TRPM3: variants seen among roughly 807,000 people sequenced by gnomAD.
TRPM3 encodes long transient receptor potential channel 3.
TRPM3 carries 77 observed loss-of-function variants against 181.2 expected under a neutral mutation model. That is an observed-to-expected ratio of 0.42 (90% CI 0.35 to 0.51). The LOEUF is 0.51. TRPM3 is among the 20% of genes least tolerant of loss of function. The pLI is 0.01. For missense variants in TRPM3, 1,759 were observed against 2,196.7 expected, an observed-to-expected ratio of 0.80 and a Z score of 3.98; for synonymous variants, 745 against 796.4, an observed-to-expected ratio of 0.94 and a Z score of 1.09.
intron 1 of TRPM3, among the ~76,000 whole-genome samples, chr9:70,966,919 A>G (rs1442708047): frequency 1.3e-5 from 2 of 152,124 alleles, no homozygotes; most frequent in Non-Finnish European, 2.9e-5. Context: ...AAAAGTTTAA[A>G]TGTAAATCCC....
chr9:70,634,307 A>C (rs1172938929), intron 12 of TRPM3, among the ~76,000 whole-genome samples: 4 of 152,132 alleles, frequency 2.6e-5, no homozygotes, highest in Middle Eastern at 3.2e-3. Flanking sequence ...ACAGGGTTTC[A>C]CCATGTTAAC....
chr9:71,175,696 G>T (rs1311140313), intron 1 of TRPM3, among the ~76,000 whole-genome samples: 1 of 152,114 alleles, frequency 6.6e-6, no homozygotes, highest in Admixed American at 6.6e-5. Flanking sequence ...GGGTCGCATA[G>T]GTTTTCAACA....
At chr9:70,958,966 G>A (rs937946070) in intron 1 of TRPM3, among the ~76,000 whole-genome samples, 3 of 147,912 alleles carry the variant, frequency 2.0e-5, no homozygotes, top group Non-Finnish European at 4.5e-5. Flanking sequence ...AGAACACATG[G>A]ACACAGGAAG....
chr9:71,154,963 CA>C (rs2075911287), intron 1 of TRPM3, among the ~76,000 whole-genome samples: 1 of 152,074 alleles, frequency 6.6e-6, no homozygotes, highest in Non-Finnish European at 1.5e-5. Flanking sequence ...CTTTTTTTGA[CA>C]GTCTAAAAAT....
chr9:70,892,663 C>T (rs891656057), intron 1 of TRPM3, among the ~76,000 whole-genome samples: 7 of 149,260 alleles, frequency 4.7e-5, no homozygotes, highest in Admixed American at 2.7e-4. Flanking sequence ...GAATCTATCA[C>T]ATTCATGGAT....
chr9:70,777,780 G>A (rs938757583), intron 7 of TRPM3, among the ~76,000 whole-genome samples: 1 of 152,116 alleles, frequency 6.6e-6, no homozygotes, highest in African/African-American at 2.4e-5. Flanking sequence ...AGCACCCATA[G>A]TACCTAAAAC....
intron 1 of TRPM3, among the ~76,000 whole-genome samples, chr9:71,317,822 G>A (rs760938588): frequency 5.9e-5 from 9 of 151,974 alleles, no homozygotes; most frequent in South Asian, 2.1e-4. Flanking sequence ...AAAGTACTTC[G>A]AATTTATCTA....
In TRPM3 at chr9:71,121,548, G is replaced by A; in HGVS notation, c.-194C>T. 1 of 1,383,878 alleles carries A rather than the reference G, an allele frequency of 7.2e-7. No individual in the cohort carries two copies. The highest frequency in any genetic ancestry group is 9.3e-7 in the Non-Finnish European group (1 of 1,071,624). The allele number at this position is 1,383,878 out of a possible 1,614,324, so 85.7% of individuals were successfully genotyped here. A position where few individuals can be genotyped will look rare whatever the true frequency, so the allele number is the denominator to read the frequency against. On this transcript the variant is annotated 5_prime_UTR_variant, in exon 1 of 26. Coordinates refer to ENST00000677713, the MANE Select transcript of TRPM3 (RefSeq NM_001366145.2). ...CTGCCTGCTGCTTCGGGGAGGGGAT[G>A]CACGATTTTGAAGAAGAGGGACAGC...
intron 1 of TRPM3, among the ~76,000 whole-genome samples, chr9:71,228,018 A>G (rs1025842049): frequency 6.6e-5 from 10 of 152,196 alleles, no homozygotes; most frequent in African/African-American, 2.4e-4. Context: ...CAAACCAGAC[A>G]AAGACACATC....
intron 9 of TRPM3, among the ~76,000 whole-genome samples, chr9:70,679,274 G>T (rs1366017659): frequency 6.6e-6 from 1 of 152,070 alleles, no homozygotes; most frequent in African/African-American, 2.4e-5. Flanking sequence ...AAATACATAT[G>T]TGTAACTATT....
At chr9:71,095,532 G>A (rs2066998020) in intron 1 of TRPM3, among the ~76,000 whole-genome samples, 1 of 152,082 alleles carries the variant, frequency 6.6e-6, no homozygotes, top group South Asian at 2.1e-4. Flanking sequence ...GCCAAGGAGG[G>A]TGGATCAGCT....
At chr9:71,015,077 T>C (rs2097773740) in intron 1 of TRPM3, among the ~76,000 whole-genome samples, 1 of 152,190 alleles carries the variant, frequency 6.6e-6, no homozygotes, top group Non-Finnish European at 1.5e-5. Context: ...TATTATTCTT[T>C]CCAGTTACAT....
At chr9:71,251,745 T>G (rs1588139309) in intron 1 of TRPM3, among the ~76,000 whole-genome samples, 1 of 152,196 alleles carries the variant, frequency 6.6e-6, no homozygotes, top group Non-Finnish European at 1.5e-5. Context: ...TATTTTAAAA[T>G]ATACAATTAA....
intron 1 of TRPM3, among the ~76,000 whole-genome samples, chr9:71,235,083 T>A (rs932484066): frequency 1.3e-5 from 2 of 152,250 alleles, no homozygotes; most frequent in African/African-American, 4.8e-5. Context: ...CCACTCCACC[T>A]GCTGGCTCCA....
chr9:70,554,583 C>A (rs539443253), intron 22 of TRPM3, among the ~76,000 whole-genome samples: 49 of 152,308 alleles, frequency 3.2e-4, no homozygotes, highest in African/African-American at 1.2e-3. Flanking sequence ...CCCAGCTTGG[C>A]TCCAGACAAT....
At chr9:71,381,488 T>C (rs1239380208) in intron 1 of TRPM3, among the ~76,000 whole-genome samples, 1 of 152,176 alleles carries the variant, frequency 6.6e-6, no homozygotes, top group Non-Finnish European at 1.5e-5. Context: ...TTAAGTGGAA[T>C]TCTAGGCAAT....
chr9:71,135,424 T>C (rs915148282), intron 1 of TRPM3, among the ~76,000 whole-genome samples: 24 of 152,142 alleles, frequency 1.6e-4, no homozygotes, highest in Admixed American at 3.9e-4. Flanking sequence ...GTGAACTCTG[T>C]CAGAGCACCT....
In TRPM3 at chr9:71,050,511, G is replaced by A. The variant is rs116528823; in HGVS notation, c.177+70667C>T. On this transcript the variant is annotated intron_variant, in intron 1 of 25. Transcript: ENST00000677713. Reference sequence around the variant, plus strand: ...ATGAGTGGGCATCTCTCAGATTACTGAACTATATTTCATAATTATCTAATA... The same window carrying A: ...ATGAGTGGGCATCTCTCAGATTACTAAACTATATTTCATAATTATCTAATA... 3.8e-3 allele frequency among the ~76,000 whole-genome samples: 583 copies of A among 152,160 alleles called. 3 individuals carry two copies. Among genetic ancestry groups the A allele is most frequent in the African/African-American group, 0.013 (560 of 41,514 alleles).
chr9:71,249,757 C>T (rs1470045785), intron 1 of TRPM3, among the ~76,000 whole-genome samples: 2 of 152,076 alleles, frequency 1.3e-5, no homozygotes, highest in Non-Finnish European at 2.9e-5. Context: ...CTACACATGA[C>T]TGGTATCATA....
Sources: gnomAD v4.1 joint callset for allele counts (sites outside exome capture counted in the v4.1 genomes callset) on GRCh38, gnomAD v4.1.1 for gene constraint, MANE v1.5 for transcripts, NCBI Gene and HGNC (gene_info 2026-07-23, HGNC 2026-07-21) for gene names.